The following POLR2F variants were observed in gnomAD, a reference collection of about 807,000 sequenced individuals.
POLR2F encodes the protein RNA polymerase II, I and III subunit F.
In POLR2F, 12 loss-of-function variants were observed where a neutral mutation model predicts 22.7. The ratio of observed to expected loss-of-function variants is 0.53; its 90% CI spans 0.34 to 0.86. The LOEUF (loss-of-function observed/expected upper bound fraction) is 0.86. Ranked by LOEUF, POLR2F falls within the 40% of genes least tolerant of loss-of-function variation. POLR2F has a pLI of 0.02. For synonymous variants in POLR2F, 57 were observed against 66.0 expected, an observed-to-expected ratio of 0.86 and a Z score of 0.66; for missense variants, 126 against 171.5, an observed-to-expected ratio of 0.73 and a Z score of 1.48.
Position 38,010,602 on chromosome 22 carries a change from G to GTTTTTT in POLR2F, c.121-15245_121-15240dup, listed in dbSNP as rs1159353447. On this transcript the variant is annotated intron_variant, in intron 1 of 2. Transcript: ENST00000333418. ...TAAATATGTAGTAATAATTCCTTGT[G>GTTTTTT]TTTTTTTTTTTTTTTTTTTTTTTTT... Among the ~76,000 whole-genome samples, 35 of 60,898 alleles carry GTTTTTT rather than the reference G, an allele frequency of 5.7e-4. 1 individual carries two copies. Among genetic ancestry groups the GTTTTTT allele is most frequent in the African/African-American group, 7.2e-4 (10 of 13,884 alleles). 40.0% of individuals were successfully genotyped at this position (60,898 alleles called of 152,430 possible).
downstream of POLR2F, among the ~76,000 whole-genome samples, chr22:38,031,084 C>T (rs537520283): frequency 1.2e-3 from 184 of 151,920 alleles, no homozygotes; most frequent in South Asian, 0.011. This position sits in a 1 kb window ranked among gnomAD's most constrained non-coding sequence, Gnocchi z 4.1. Context: ...GTGTCGGTGT[C>T]GCCCCCTCCC....
chr22:37,956,618 T>C (rs1931410466), intron 1 of POLR2F, among the ~76,000 whole-genome samples, 155 bp from the exon 2 acceptor site: 1 of 152,160 alleles, frequency 6.6e-6, no homozygotes, highest in Non-Finnish European at 1.5e-5. Context: ...GGTTTTGCCT[T>C]GTTGGCCAGG....
chr22:38,030,122 A>C (rs2085050826), downstream of POLR2F, among the ~76,000 whole-genome samples: 1 of 152,176 alleles, frequency 6.6e-6, no homozygotes, highest in Non-Finnish European at 1.5e-5. Context: ...CCTGGGCCTG[A>C]AGCTGGGGAT....
intron 1 of POLR2F, among the ~76,000 whole-genome samples, chr22:37,999,639 C>T (rs1480087027): frequency 6.6e-6 from 1 of 152,122 alleles, no homozygotes; most frequent in Admixed American, 6.5e-5. Flanking sequence ...AGCCTAGACT[C>T]TGTGGGACGC....
chr22:38,038,962 C>T (rs1293842470), intron 5 of POLR2F, among the ~76,000 whole-genome samples: 2 of 152,164 alleles, frequency 1.3e-5, no homozygotes, highest in Admixed American at 6.5e-5. Context: ...TGGGGCTCCA[C>T]AGGACGTTCG....
At chr22:37,977,571 C>T (rs560802068) in intron 4 of POLR2F, among the ~76,000 whole-genome samples, 29 of 151,908 alleles carry the variant, frequency 1.9e-4, no homozygotes, top group African/African-American at 6.5e-4. Context: ...CTGCCCTCCT[C>T]GGCCTCCCAA....
chr22:37,984,360 T>G (rs1261487754), upstream of POLR2F: 1 of 150,806 alleles, frequency 6.6e-6, no homozygotes, highest in East Asian at 2.0e-4. The surrounding 1 kb of genome is among the most constrained non-coding windows in gnomAD (Gnocchi z 4.4). Context: ...TCTCCTCCAG[T>G]CTGGGGCTCG....
chr22:37,966,779 G>C (rs1429449541), intron 3 of POLR2F, among the ~76,000 whole-genome samples: 1 of 152,162 alleles, frequency 6.6e-6, no homozygotes, highest in Non-Finnish European at 1.5e-5. Context: ...AAAGTAGAGA[G>C]AGAAAATAGA....
At chr22:38,014,968 C>T (rs140177654) in intron 1 of POLR2F, among the ~76,000 whole-genome samples, 396 of 151,788 alleles carry the variant, frequency 2.6e-3, no homozygotes, top group African/African-American at 8.7e-3. Context: ...CCACCACGCC[C>T]GGCTAATTTT....
At chr22:38,026,384 GT>G in exon 3 of POLR2F, 2 of 494,278 alleles carry the variant, frequency 4.0e-6, no homozygotes, top group South Asian at 3.0e-5. Context: ...ACTCTGCTGT[GT>G]GACCTGAGAC....
intron 1 of POLR2F, among the ~76,000 whole-genome samples, chr22:37,998,317 C>T (rs2084736325): frequency 6.6e-6 from 1 of 152,232 alleles, no homozygotes; most frequent in Non-Finnish European, 1.5e-5. Context: ...GTGTTAACTC[C>T]CTCAAGGCCA....
intron 1 of POLR2F, among the ~76,000 whole-genome samples, chr22:38,010,144 G>A (rs981291546): frequency 2.6e-5 from 4 of 152,208 alleles, no homozygotes; most frequent in African/African-American, 7.2e-5. Flanking sequence ...AGAGGCTGAG[G>A]TGAGAGGATT....
chr22:37,957,402 G>T (rs931707824), intron 2 of POLR2F, among the ~76,000 whole-genome samples: 3 of 152,188 alleles, frequency 2.0e-5, no homozygotes, highest in Non-Finnish European at 4.4e-5. Flanking sequence ...GCAGATAAAA[G>T]AGTTATTTCG....
chr22:38,029,050 G>C (rs2085041673), downstream of POLR2F, among the ~76,000 whole-genome samples: 1 of 152,142 alleles, frequency 6.6e-6, no homozygotes, highest in Non-Finnish European at 1.5e-5. Flanking sequence ...AGAACACCCT[G>C]AAAAAGGGAG....
At chr22:38,018,859 T>C (rs542434581) in intron 1 of POLR2F, among the ~76,000 whole-genome samples, 56 of 151,384 alleles carry the variant, frequency 3.7e-4, no homozygotes, top group Non-Finnish European at 6.2e-4. Context: ...GCGGGAGAGC[T>C]GGGGAGGCTG....
intron 1 of POLR2F, among the ~76,000 whole-genome samples, chr22:38,022,174 G>C (rs193227672): frequency 8.2e-4 from 124 of 151,138 alleles, no homozygotes; most frequent in Middle Eastern, 6.8e-3. Context: ...TGGATAGTAT[G>C]AATCAGATGC....
downstream of POLR2F, among the ~76,000 whole-genome samples, chr22:38,029,183 G>C (rs1431446468): frequency 6.6e-6 from 1 of 152,212 alleles, no homozygotes; most frequent in Admixed American, 6.5e-5. Flanking sequence ...TTGAAGATTA[G>C]AGATGGATAA....
chr22:37,960,851 C>CTT lies in POLR2F; in HGVS notation c.221+1389_221+1390dup, dbSNP rs71195075. 2.7e-3 allele frequency among the ~76,000 whole-genome samples: 357 copies of CTT among 131,504 alleles called. 1 individual carries two copies. Among genetic ancestry groups the CTT allele is most frequent in the East Asian group, 3.4e-3 (15 of 4,354 alleles). The allele number at this position is 131,504 out of a possible 152,430, so 86.3% of individuals were successfully genotyped here. On this transcript the variant is annotated intron_variant, in intron 3 of 4. Transcript: ENST00000442738. ...CCCGGCCGGTGCAATTTTCTTTTTT[C>CTT]TTTTTTTTTTTTTTTGAGATGGAGT...
downstream of POLR2F, among the ~76,000 whole-genome samples, chr22:38,030,994 G>A (rs1437772035): frequency 6.6e-6 from 1 of 152,076 alleles, no homozygotes. Flanking sequence ...GCTGTGAGAG[G>A]CCCTGGGCAA....
Sources: gnomAD v4.1 joint callset for allele counts (sites outside exome capture counted in the v4.1 genomes callset) on GRCh38, gnomAD v4.1.1 for gene constraint, Gnocchi (gnomAD v3.1) non-coding constraint, MANE v1.5 for transcripts, NCBI Gene and HGNC (gene_info 2026-07-23, HGNC 2026-07-21) for gene names.